STAMBP: variants seen among roughly 807,000 people sequenced by gnomAD.
The protein encoded by STAMBP is STAM binding protein.
A neutral mutation model predicts 50.7 loss-of-function variants in STAMBP; 31 were observed. That is an observed-to-expected ratio of 0.61 (90% CI 0.46 to 0.83). STAMBP has a LOEUF of 0.83. STAMBP is among the 40% of genes least tolerant of loss of function. The pLI, the probability that STAMBP is intolerant of heterozygous loss-of-function variation, is 0.00. For missense variants in STAMBP, 472 were observed against 518.9 expected (o/e 0.91, Z 0.88); for synonymous variants, 211 against 192.4 (o/e 1.10, Z -0.80).
Position 73,844,404 on chromosome 2 carries a change from G to A in STAMBP, c.204-409G>A, listed in dbSNP as rs527620673. Among the ~76,000 whole-genome samples, 3 of 152,322 alleles carry A rather than the reference G, an allele frequency of 2.0e-5. No homozygotes were observed. In the South Asian group the frequency reaches 6.2e-4, roughly 32 times the overall value. On this transcript the variant is annotated intron_variant, in intron 2 of 9. Transcript: ENST00000394070. The stretch of plus-strand genomic sequence containing the variant: ...GAGCTAGAAGGAGTAAGGAAACATG[G>A]TTTTCTCTTGCTTCCTGCCCATGGC...
rs1673887338 is a variant in STAMBP at position 73,831,277 on chromosome 2, G to A, written c.203+218G>A. On this transcript the variant is annotated intron_variant, in intron 2 of 9. Coordinates refer to ENST00000394070, the MANE Select transcript of STAMBP (RefSeq NM_213622.4). ...TTATGAGTAAGAGATTTAGTTCTTT[G>A]GCCTATGCCCACATAGCCCAGCTGT... is the stretch of plus-strand genomic sequence containing the variant. Among the ~76,000 whole-genome samples, 5 of 152,228 alleles carry A rather than the reference G, an allele frequency of 3.3e-5. No individual in the cohort carries two copies. In the South Asian group the frequency reaches 1.0e-3, roughly 32 times the overall value.
intron 2 of STAMBP, among the ~76,000 whole-genome samples, chr2:73,837,269 T>C (rs1213994276): frequency 6.6e-6 from 1 of 152,094 alleles, no homozygotes; most frequent in Non-Finnish European, 1.5e-5. Flanking sequence ...TACAGCTAGA[T>C]CCCATTATCA....
intron 2 of STAMBP, among the ~76,000 whole-genome samples, chr2:73,834,082 G>T (rs1448387026): frequency 6.6e-6 from 1 of 150,426 alleles, no homozygotes; most frequent in Non-Finnish European, 1.5e-5. Flanking sequence ...GTGGTGGCGG[G>T]TGCCTGTAAC....
chr2:73,840,946 C>T (rs1675312543), intron 2 of STAMBP, among the ~76,000 whole-genome samples: 1 of 152,096 alleles, frequency 6.6e-6, no homozygotes, highest in African/African-American at 2.4e-5. Context: ...AGTCCCATTT[C>T]TCTACCAGGT....
intron 8 of STAMBP, among the ~76,000 whole-genome samples, 186 bp from the exon 9 acceptor site, chr2:73,859,866 A>C (rs1022542860): frequency 6.6e-5 from 10 of 152,068 alleles, no homozygotes; most frequent in African/African-American, 2.4e-4. Context: ...GGCAGTAATG[A>C]GTCATTCTCT....
At position 73,847,663 on chromosome 2, in the gene STAMBP, C is replaced by A. The variant is rs774809484; in HGVS notation, c.652C>A (p.Pro218Thr). 2 of 1,614,210 alleles carry A rather than the reference C, an allele frequency of 1.2e-6. No homozygotes were observed. Among genetic ancestry groups the A allele is most frequent in the South Asian group, 1.1e-5 (1 of 91,084 alleles). ...CACCTTAACAGTCTCATCCATACAG[C>A]CTTCAGACTGTCACACAACTGTAAG... is the stretch of plus-strand genomic sequence containing the variant. ...FPTLTVSSIQ[P>T]SDCHTTVRPA... The change falls in exon 5 of 10, where the codon CCT becomes ACT. Residue 218 changes from proline to threonine, a missense_variant. Transcript: ENST00000394070.
chr2:73,831,404 G>T (rs563348007), intron 2 of STAMBP, among the ~76,000 whole-genome samples: 2 of 152,236 alleles, frequency 1.3e-5, no homozygotes, highest in Admixed American at 1.3e-4. Flanking sequence ...TTATTGTTGG[G>T]GTCTAGCAGA....
At position 73,859,357 on chromosome 2, in the gene STAMBP, A is replaced by G. The variant is rs368568329; in HGVS notation, c.1109A>G (p.Lys370Arg). ...PESVAIVCSP[K>R]FQETGFFKLT... ...TCAGTAGCCATTGTTTGCTCCCCCA[A>G]GTTCCAGGAGTGAGTATAGAGGGCA... Residue 370 changes from lysine (K) to arginine (R), a missense_variant, in exon 8 of 10, where the codon AAG becomes AGG. Physicochemically the swap from Lys to Arg is conservative, Grantham distance 26 (BLOSUM62 2). Transcript: ENST00000394070. The G allele has an allele frequency of 1.2e-5, 19 of 1,613,600 alleles. No homozygotes were observed. Among genetic ancestry groups the G allele is most frequent in the African/African-American group, 5.3e-5 (4 of 74,898 alleles).
rs562245076 is a variant in STAMBP at position 73,862,825 on chromosome 2, T to C, written c.*566T>C. 6.5e-6 allele frequency: 1 copy of C among 152,766 alleles called. No individual in the cohort carries two copies. The highest frequency in any genetic ancestry group is 2.1e-4 in the South Asian group (1 of 4,830). 9.5% of individuals were successfully genotyped at this position (152,766 alleles called of 1,614,324 possible). ...CGAAGAATGATTTTGTCAGGAATTA[T>C]TGTTATTTAATAAATATTTCAGGAT... is the stretch of plus-strand genomic sequence containing the variant. On this transcript the variant is annotated 3_prime_UTR_variant, in exon 10 of 10. Coordinates refer to ENST00000394070, the MANE Select transcript of STAMBP (RefSeq NM_213622.4).
intron 7 of STAMBP, among the ~76,000 whole-genome samples, chr2:73,851,256 T>C (rs1394261583): frequency 6.6e-6 from 1 of 152,230 alleles, no homozygotes; most frequent in Non-Finnish European, 1.5e-5. Context: ...TTCATGTTGA[T>C]GATTTGCCTA....
chr2:73,853,125 T>G (rs1185858286), intron 7 of STAMBP, among the ~76,000 whole-genome samples: 1 of 152,114 alleles, frequency 6.6e-6, no homozygotes, highest in Non-Finnish European at 1.5e-5. Context: ...TCCAGAATGG[T>G]GAAGACTCGG....
chr2:73,860,238 C>T, intron 9 of STAMBP, 87 bp downstream of exon 9: 1 of 1,129,650 alleles, frequency 8.9e-7, no homozygotes. Flanking sequence ...CTTTCTGATC[C>T]ACACAGAAGA....
downstream of STAMBP, among the ~76,000 whole-genome samples, chr2:73,871,185 C>A (rs1679184043): frequency 6.6e-6 from 1 of 152,140 alleles, no homozygotes. Context: ...TGATTATGGC[C>A]TTTGAGACTT....
chr2:73,842,347 G>A (rs920466370), intron 2 of STAMBP, among the ~76,000 whole-genome samples: 2 of 152,178 alleles, frequency 1.3e-5, no homozygotes, highest in African/African-American at 2.4e-5. Flanking sequence ...TGCACATTAG[G>A]TGAACTGGCA....
chr2:73,853,240 G>T (rs570690200), intron 7 of STAMBP, among the ~76,000 whole-genome samples: 1 of 152,262 alleles, frequency 6.6e-6, no homozygotes, highest in South Asian at 2.1e-4. Flanking sequence ...GATTAAGTTT[G>T]TGGAGACAAT....
At position 73,866,163 on chromosome 2, in the gene STAMBP, A is replaced by G. The variant is rs1678870202; in HGVS notation, c.*3904A>G. The G allele has an allele frequency of 6.6e-6, 1 of 152,254 alleles. No homozygotes were observed. The highest frequency in any genetic ancestry group is 6.5e-5 in the Admixed American group (1 of 15,274). The allele number at this position is 152,254 out of a possible 1,614,324, so 9.4% of individuals were successfully genotyped here. ...AGTTCACCTTAGCCTGTTTGAGATTAGAAGCTGGGCCTTAACTTACAGGTG... is the reference window on the plus strand; with the variant it reads ...AGTTCACCTTAGCCTGTTTGAGATTGGAAGCTGGGCCTTAACTTACAGGTG... On this transcript the variant is annotated 3_prime_UTR_variant, in exon 10 of 10. Transcript: ENST00000394070.
At chr2:73,867,734 GAAGA>G (rs1679015130), downstream of STAMBP, among the ~76,000 whole-genome samples, 1 of 152,108 alleles carries the variant, frequency 6.6e-6, no homozygotes, top group South Asian at 2.1e-4. Flanking sequence ...CATTATTTAA[GAAGA>G]AAGAATCAAA....
rs7570391 is a variant in STAMBP at position 73,866,706 on chromosome 2, G to T, written c.*4447G>T. ...AGGGATGGTTGTCCTGGCCAACAGCGAATTTAATGGGTGGTCAAAAGAAGA... is the reference window on the plus strand; with the variant it reads ...AGGGATGGTTGTCCTGGCCAACAGCTAATTTAATGGGTGGTCAAAAGAAGA... On this transcript the variant is annotated 3_prime_UTR_variant, in exon 10 of 10. Coordinates refer to ENST00000394070, the MANE Select transcript of STAMBP (RefSeq NM_213622.4). The T allele has an allele frequency of 0.064, 9,714 of 152,318 alleles. 373 individuals are homozygous for T. Among genetic ancestry groups the T allele is most frequent in the African/African-American group, 0.1 (4,309 of 41,526 alleles). 9.4% of individuals were successfully genotyped at this position (152,318 alleles called of 1,614,324 possible). A position where few individuals can be genotyped will look rare whatever the true frequency, so the allele number is the denominator to read the frequency against.
intron 7 of STAMBP, among the ~76,000 whole-genome samples, chr2:73,851,693 G>A (rs1253899846): frequency 2.0e-5 from 3 of 149,936 alleles, no homozygotes; most frequent in African/African-American, 4.9e-5. Context: ...AGACTGGAGT[G>A]CAATGGCAAG....
Sources: allele counts gnomAD v4.1 joint callset (sites outside exome capture counted in the v4.1 genomes callset), GRCh38; gene constraint gnomAD v4.1.1; transcripts MANE v1.5; gene names NCBI Gene and HGNC (gene_info 2026-07-23, HGNC 2026-07-21).